Variants in SEMA5A observed in about 807,000 individuals in gnomAD.
The protein encoded by SEMA5A is semaphorin 5A.
A neutral mutation model predicts 135.5 loss-of-function variants in SEMA5A; 55 were observed. The ratio of observed to expected loss-of-function variants is 0.41; its 90% CI spans 0.33 to 0.51. SEMA5A has a LOEUF of 0.51. Ranked by LOEUF, SEMA5A falls within the 20% of genes least tolerant of loss-of-function variation. SEMA5A has a pLI of 0.37. For missense variants in SEMA5A, 1,290 were observed against 1,419.9 expected, an observed-to-expected ratio of 0.91 and a Z score of 1.47; for synonymous variants, 580 against 546.5, an observed-to-expected ratio of 1.06 and a Z score of -0.85.
At chr5:9,257,606 AAG>A (rs1554010890) in intron 5 of SEMA5A, among the ~76,000 whole-genome samples, 1 of 152,000 alleles carries the variant, frequency 6.6e-6, no homozygotes, top group Admixed American at 6.6e-5. Flanking sequence ...CTAAAAAAAA[AAG>A]ACTATAATTT....
chr5:9,265,872 T>C (rs1376895103), intron 5 of SEMA5A, among the ~76,000 whole-genome samples: 4 of 152,162 alleles, frequency 2.6e-5, no homozygotes, highest in African/African-American at 9.7e-5. Context: ...CGTGTTTTCA[T>C]GTTCAGGGCC....
intron 5 of SEMA5A, among the ~76,000 whole-genome samples, chr5:9,242,191 A>G (rs1489308865): frequency 6.6e-6 from 1 of 152,236 alleles, no homozygotes; most frequent in East Asian, 1.9e-4. Flanking sequence ...ATGAGTTGGA[A>G]CTAGAAACAA....
At chr5:9,079,961 A>T (rs1184269302) in intron 16 of SEMA5A, among the ~76,000 whole-genome samples, 2 of 152,200 alleles carry the variant, frequency 1.3e-5, no homozygotes, top group East Asian at 1.9e-4. Flanking sequence ...AATGTAAATT[A>T]ATTCAACCAT....
intron 16 of SEMA5A, among the ~76,000 whole-genome samples, chr5:9,077,134 A>C (rs1275373638): frequency 2.0e-5 from 3 of 152,078 alleles, no homozygotes; most frequent in Non-Finnish European, 4.4e-5. Context: ...CCTCTGCAAA[A>C]CATCTTTAAA....
chr5:9,144,035 G>A (rs1742200564), intron 12 of SEMA5A, among the ~76,000 whole-genome samples: 1 of 152,112 alleles, frequency 6.6e-6, no homozygotes, highest in Non-Finnish European at 1.5e-5. Context: ...ACCAGGAATG[G>A]CAACCAGAAA....
chr5:9,340,229 G>A (rs1458816560), intron 3 of SEMA5A, among the ~76,000 whole-genome samples: 2 of 152,126 alleles, frequency 1.3e-5, no homozygotes, highest in African/African-American at 2.4e-5. Context: ...CATGACCAGG[G>A]AGCACTGCCA....
chr5:9,388,418 G>C (rs938279794), intron 2 of SEMA5A, among the ~76,000 whole-genome samples: 1 of 149,784 alleles, frequency 6.7e-6, no homozygotes, highest in Non-Finnish European at 1.5e-5. Flanking sequence ...CTAAGTGAAA[G>C]TTCATTCAAT....
chr5:9,485,724 T>C (rs1302617218), intron 1 of SEMA5A, among the ~76,000 whole-genome samples: 1 of 152,092 alleles, frequency 6.6e-6, no homozygotes, highest in African/African-American at 2.4e-5. Flanking sequence ...GATCTCCAAT[T>C]ATATGGAAAG....
At chr5:9,259,057 G>A (rs1749255141) in intron 5 of SEMA5A, among the ~76,000 whole-genome samples, 1 of 151,914 alleles carries the variant, frequency 6.6e-6, no homozygotes, top group Admixed American at 6.6e-5. Context: ...CCTGACCTCG[G>A]GTGATCTGCC....
chr5:9,491,780 G>A (rs1215963032), intron 1 of SEMA5A, among the ~76,000 whole-genome samples: 1 of 152,028 alleles, frequency 6.6e-6, no homozygotes, highest in Non-Finnish European at 1.5e-5. Context: ...CATTCAAAAG[G>A]GGCATGATGC....
chr5:9,351,658 C>T (rs1754121423), intron 3 of SEMA5A, among the ~76,000 whole-genome samples: 1 of 152,152 alleles, frequency 6.6e-6, no homozygotes, highest in Non-Finnish European at 1.5e-5. Flanking sequence ...ATCTGGTTTG[C>T]ATAAATATTT....
chr5:9,225,668 G>A (rs1324107782), intron 7 of SEMA5A, among the ~76,000 whole-genome samples: 1 of 151,884 alleles, frequency 6.6e-6, no homozygotes, highest in Non-Finnish European at 1.5e-5. Context: ...AGGATGTGTG[G>A]ATATTCAACA....
chr5:9,429,998 A>AGCAG (rs1182127261), intron 2 of SEMA5A, among the ~76,000 whole-genome samples: 2 of 152,224 alleles, frequency 1.3e-5, no homozygotes, highest in Non-Finnish European at 2.9e-5. Context: ...CGGCCGGAAG[A>AGCAG]CCTGAGAACT....
At chr5:9,364,621 G>A (rs1754837186) in intron 3 of SEMA5A, among the ~76,000 whole-genome samples, 1 of 152,076 alleles carries the variant, frequency 6.6e-6, no homozygotes, top group Non-Finnish European at 1.5e-5. Flanking sequence ...AAAATTATAA[G>A]AAGGACAAAT....
rs534780604 is a variant in SEMA5A, at chr5:9,221,092, G to A, written c.646+3582C>T. On this transcript the variant is annotated intron_variant, in intron 8 of 22. Transcript: ENST00000382496. ...CACCACCCCATTGTAGCCTCCTTCC[G>A]CAACAAGTCCAACTCTCAAATTTTA... is the stretch of plus-strand genomic sequence containing the variant. Among the ~76,000 whole-genome samples, 16 of 152,118 alleles carry A rather than the reference G, an allele frequency of 1.1e-4. No individual in the cohort carries two copies. The East Asian group carries it at 1.9e-3, about 18-fold the overall frequency.
At chr5:9,500,253 G>T (rs1381316089) in intron 1 of SEMA5A, among the ~76,000 whole-genome samples, 1 of 152,098 alleles carries the variant, frequency 6.6e-6, no homozygotes. Flanking sequence ...TAAATGCAGC[G>T]CATGGCTTGA....
At chr5:9,298,745 T>G (rs1751460919) in intron 5 of SEMA5A, among the ~76,000 whole-genome samples, 3 of 152,208 alleles carry the variant, frequency 2.0e-5, no homozygotes, top group African/African-American at 7.2e-5. Flanking sequence ...TAAGGTTCTT[T>G]TTCAAGACTG....
rs564388197 is a variant in SEMA5A at position 9,516,537 on chromosome 5, T to C, written c.-175+29047A>G. 29 of 152,080 alleles carry C rather than the reference T, an allele frequency of 1.9e-4. 1 individual carries two copies. The highest frequency in any genetic ancestry group is 3.4e-3 in the Middle Eastern group (1 of 294). The allele number at this position is 152,080 out of a possible 1,614,324, so 9.4% of individuals were successfully genotyped here. On this transcript the variant is annotated intron_variant, in intron 1 of 22. Coordinates refer to ENST00000382496, the MANE Select transcript of SEMA5A (RefSeq NM_003966.3). The stretch of plus-strand genomic sequence containing the variant: ...ATGTAGAAAACTGTCTTCACTTTAG[T>C]ATGAACAAGAGAATCCTTTGTCATC...
At chr5:9,309,659 C>A (rs1341963900) in intron 5 of SEMA5A, among the ~76,000 whole-genome samples, 8 of 151,904 alleles carry the variant, frequency 5.3e-5, no homozygotes, top group Admixed American at 2.6e-4. Context: ...GACTCACTTG[C>A]GAGGGAGGAA....
Sources: gnomAD v4.1 joint callset for allele counts (sites outside exome capture counted in the v4.1 genomes callset) on GRCh38, gnomAD v4.1.1 for gene constraint, MANE v1.5 for transcripts, NCBI Gene and HGNC (gene_info 2026-07-23, HGNC 2026-07-21) for gene names.